The following BMERB1 variants were observed in gnomAD, a reference collection of about 807,000 sequenced individuals.
BMERB1 encodes the protein bMERB domain-containing protein 1.
Under a neutral mutation model 23.6 loss-of-function variants are expected in BMERB1, and 12 were observed. That is an observed-to-expected ratio of 0.51 (90% CI 0.33 to 0.82). The LOEUF (loss-of-function observed/expected upper bound fraction) is 0.82. Among genes scored for constraint, BMERB1 ranks in the 40% least tolerant of loss-of-function variants. The pLI, the probability that BMERB1 is intolerant of heterozygous loss-of-function variation, is 0.03. For missense variants in BMERB1, 247 were observed against 255.4 expected (o/e 0.97, Z 0.22); for synonymous variants, 122 against 96.6 (o/e 1.26, Z -1.54).
At chr16:15,579,829 C>T (rs1276649925) in intron 3 of BMERB1, among the ~76,000 whole-genome samples, 1 of 152,182 alleles carries the variant, frequency 6.6e-6, no homozygotes, top group African/African-American at 2.4e-5. Context: ...TCACCCCCTG[C>T]CTTTGCAGAA....
At chr16:15,513,105 C>A (rs374908154) in intron 1 of BMERB1, among the ~76,000 whole-genome samples, 2 of 152,020 alleles carry the variant, frequency 1.3e-5, no homozygotes, top group African/African-American at 4.8e-5. Flanking sequence ...CCCCGAGTCT[C>A]CCCCACTACC....
intron 1 of BMERB1, among the ~76,000 whole-genome samples, chr16:15,494,417 G>C (rs1360876157): frequency 6.6e-6 from 1 of 151,986 alleles, no homozygotes; most frequent in Non-Finnish European, 1.5e-5. Flanking sequence ...AAGTGTTGGG[G>C]AGAGGACACT....
At chr16:15,545,225 G>A (rs535813064) in intron 2 of BMERB1, among the ~76,000 whole-genome samples, 6 of 152,048 alleles carry the variant, frequency 3.9e-5, no homozygotes, top group Admixed American at 1.3e-4. Flanking sequence ...CACCTGCCTC[G>A]GCCTCCCAAA....
chr16:15,555,977 C>A (rs193162795), intron 2 of BMERB1, among the ~76,000 whole-genome samples: 66 of 151,806 alleles, frequency 4.3e-4, no homozygotes, highest in African/African-American at 1.5e-3. Flanking sequence ...GTCAGGAGTT[C>A]GAGACCAGCC....
In BMERB1 at chr16:15,511,833, G is replaced by A. The variant is rs563283412; in HGVS notation, c.107-3472G>A. 4.7e-4 allele frequency among the ~76,000 whole-genome samples: 72 copies of A among 152,074 alleles called. 1 individual carries two copies. Among genetic ancestry groups the A allele is most frequent in the African/African-American group, 1.6e-3 (67 of 41,504 alleles). On this transcript the variant is annotated intron_variant, in intron 1 of 5. Coordinates refer to ENST00000300006, the MANE Select transcript of BMERB1 (RefSeq NM_033201.3). The stretch of plus-strand genomic sequence containing the variant: ...TCAAAACCAGCCTGGCCAAAATGGC[G>A]AAACCCTGTCTCTACTAAAAATACA...
At chr16:15,477,605 T>G (rs2051285204) in intron 1 of BMERB1, among the ~76,000 whole-genome samples, 1 of 152,174 alleles carries the variant, frequency 6.6e-6, no homozygotes, top group South Asian at 2.1e-4. Context: ...CACTCCAGCC[T>G]AGGCAACAAA....
At chr16:15,472,495 T>G (rs1567459518) in intron 1 of BMERB1, among the ~76,000 whole-genome samples, 1 of 152,238 alleles carries the variant, frequency 6.6e-6, no homozygotes, top group African/African-American at 2.4e-5. Context: ...TTTATCATGA[T>G]GTAATGTCTC....
At chr16:15,504,580 C>G (rs1450521426) in intron 1 of BMERB1, among the ~76,000 whole-genome samples, 2 of 151,988 alleles carry the variant, frequency 1.3e-5, no homozygotes, top group African/African-American at 4.8e-5. Context: ...TCCCAAGTAG[C>G]TGGGACCACA....
chr16:15,520,173 C>T (rs982546373), intron 2 of BMERB1, among the ~76,000 whole-genome samples: 4 of 151,924 alleles, frequency 2.6e-5, no homozygotes, highest in Non-Finnish European at 5.9e-5. Flanking sequence ...TGTTCGAGGT[C>T]ACCAGCTAGG....
intron 2 of BMERB1, among the ~76,000 whole-genome samples, chr16:15,523,827 A>G (rs1031860027): frequency 6.6e-6 from 1 of 152,158 alleles, no homozygotes; most frequent in Admixed American, 6.5e-5. Context: ...AGAGTAGGGC[A>G]TCAGGGCTGC....
intron 2 of BMERB1, among the ~76,000 whole-genome samples, chr16:15,541,456 C>T: frequency 7.5e-6 from 1 of 133,536 alleles, no homozygotes. Flanking sequence ...GAGACAGGGT[C>T]TCACTCTGTC....
intron 2 of BMERB1, among the ~76,000 whole-genome samples, chr16:15,533,861 C>A (rs12708795): frequency 0.41 from 62,301 of 151,834 alleles, 14,669 homozygotes; most frequent in African/African-American, 0.62. Flanking sequence ...TTCAACCCTG[C>A]GCATCCTTTC....
intron 2 of BMERB1, among the ~76,000 whole-genome samples, chr16:15,534,423 A>T (rs1025933376): frequency 6.6e-6 from 1 of 151,930 alleles, no homozygotes; most frequent in Non-Finnish European, 1.5e-5. Context: ...GTGTGGAGGT[A>T]CATGCCTGTA....
chr16:15,555,232 G>C (rs577369928), intron 2 of BMERB1, among the ~76,000 whole-genome samples: 1 of 152,140 alleles, frequency 6.6e-6, no homozygotes, highest in East Asian at 1.9e-4. Context: ...CACACCACCA[G>C]GCATAGCTAA....
intron 1 of BMERB1, among the ~76,000 whole-genome samples, chr16:15,441,319 A>G (rs931313524): frequency 1.3e-4 from 19 of 151,616 alleles, no homozygotes; most frequent in African/African-American, 4.6e-4. Flanking sequence ...CCTGGGCTCA[A>G]TGGATTCTCC....
Position 15,583,038 on chromosome 16 carries a change from A to G in BMERB1, c.420-118A>G, listed in dbSNP as rs897809392. On this transcript the variant is annotated intron_variant, in intron 4 of 5. Transcript: ENST00000300006. ...TACTGTACACGCATAACACGTGACA[A>G]CATACATGCCCCATCCACAAAGCCT... is the stretch of plus-strand genomic sequence containing the variant. 1.0e-5 allele frequency: 8 copies of G among 778,998 alleles called. No homozygotes were observed. In the African/African-American group the frequency reaches 1.2e-4, roughly 12 times the overall value. The allele number at this position is 778,998 out of a possible 1,614,324, so 48.3% of individuals were successfully genotyped here.
chr16:15,517,893 GT>G (rs1174276017), intron 2 of BMERB1, among the ~76,000 whole-genome samples: 2,612 of 146,806 alleles, frequency 0.018, 76 homozygotes, highest in African/African-American at 0.064. Flanking sequence ...ATGTGTGTGT[GT>G]GGATCTGTGT....
chr16:15,586,851 G>C lies in BMERB1; in HGVS notation c.*22G>C. 1 of 1,507,184 alleles carries C rather than the reference G, an allele frequency of 6.6e-7. No individual in the cohort carries two copies. Among genetic ancestry groups the C allele is most frequent in the African/African-American group, 1.5e-5 (1 of 67,804 alleles). 93.4% of individuals were successfully genotyped at this position (1,507,184 alleles called of 1,614,324 possible). A position where few individuals can be genotyped will look rare whatever the true frequency, so the allele number is the denominator to read the frequency against. ...GTAGCCCCCACGTGGGGTGCCCTGG[G>C]CCATGGGGACCCCCCCCCACCCTCT... On this transcript the variant is annotated 3_prime_UTR_variant, in exon 6 of 6. Coordinates refer to ENST00000300006, the MANE Select transcript of BMERB1 (RefSeq NM_033201.3).
At chr16:15,474,392 T>A (rs2051258140) in intron 1 of BMERB1, among the ~76,000 whole-genome samples, 1 of 152,184 alleles carries the variant, frequency 6.6e-6, no homozygotes, top group African/African-American at 2.4e-5. Flanking sequence ...TGAGACAGGG[T>A]CTCACTCTGT....
Sources: gnomAD v4.1 joint callset for allele counts (sites outside exome capture counted in the v4.1 genomes callset) on GRCh38, gnomAD v4.1.1 for gene constraint, MANE v1.5 for transcripts, NCBI Gene and HGNC (gene_info 2026-07-23, HGNC 2026-07-21) for gene names.